Variants in RBFOX1 observed in about 807,000 individuals in gnomAD.
The protein encoded by RBFOX1 is RNA binding fox-1 homolog 1, also known as RNA binding protein fox-1 homolog 1.
A neutral mutation model predicts 57.7 loss-of-function variants in RBFOX1; 8 were observed. The ratio of observed to expected loss-of-function variants is 0.14; its 90% CI spans 0.08 to 0.25. RBFOX1 has a LOEUF of 0.25. RBFOX1 is among the 10% of genes least tolerant of loss of function. The pLI is 1.00. For missense variants in RBFOX1, 611 were observed against 548.5 expected (o/e 1.11, Z -1.14); for synonymous variants, 326 against 222.4 (o/e 1.47, Z -4.15).
intron 3 of RBFOX1, among the ~76,000 whole-genome samples, chr16:6,985,458 G>A (rs2090030774): frequency 6.6e-6 from 1 of 152,092 alleles, no homozygotes; most frequent in Admixed American, 6.6e-5. Flanking sequence ...GTCTAGCCTG[G>A]GCAAAATAGC....
intron 5 of RBFOX1, among the ~76,000 whole-genome samples, chr16:7,520,286 T>G (rs1011093654): frequency 6.6e-6 from 1 of 152,212 alleles, no homozygotes; most frequent in African/African-American, 2.4e-5. Context: ...AACATAAAAC[T>G]TAACCATTTT....
intron 1 of RBFOX1, among the ~76,000 whole-genome samples, chr16:6,228,687 A>T (rs2097435357): frequency 6.6e-6 from 1 of 152,180 alleles, no homozygotes; most frequent in Non-Finnish European, 1.5e-5. Flanking sequence ...TTGGTCGGGT[A>T]CAAAATTTCA....
At chr16:6,322,364 T>C (rs1050160595) in intron 2 of RBFOX1, among the ~76,000 whole-genome samples, 23 of 152,232 alleles carry the variant, frequency 1.5e-4, no homozygotes, top group Non-Finnish European at 2.6e-4. Flanking sequence ...TCATTCCAAC[T>C]GGGCAAGTTC....
At chr16:5,382,399 T>G (rs1356811541) in intron 1 of RBFOX1, among the ~76,000 whole-genome samples, 1 of 152,218 alleles carries the variant, frequency 6.6e-6, no homozygotes, top group Non-Finnish European at 1.5e-5. Flanking sequence ...CATCTTTTTT[T>G]TTTTTCAAAG....
chr16:6,122,501 G>C (rs569501103), intron 1 of RBFOX1, among the ~76,000 whole-genome samples: 1 of 152,044 alleles, frequency 6.6e-6, no homozygotes, highest in Non-Finnish European at 1.5e-5. Context: ...TCTCATTCGA[G>C]TTAATCTCTG....
At chr16:7,451,571 A>G (rs2098858481) in intron 4 of RBFOX1, among the ~76,000 whole-genome samples, 1 of 152,164 alleles carries the variant, frequency 6.6e-6, no homozygotes, top group African/African-American at 2.4e-5. Context: ...TCTGGCTCTT[A>G]GAGACTGGCT....
At chr16:6,560,402 G>A (rs1364048133) in intron 2 of RBFOX1, among the ~76,000 whole-genome samples, 1 of 151,808 alleles carries the variant, frequency 6.6e-6, no homozygotes, top group Non-Finnish European at 1.5e-5. Flanking sequence ...GGGCCTTACT[G>A]TGAAGGTGAC....
At position 6,199,868 on chromosome 16, in the gene RBFOX1, G is replaced by A. The variant is rs551502663; in HGVS notation, c.-126-117127G>A. Among the ~76,000 whole-genome samples, 4 of 152,234 alleles carry A rather than the reference G, an allele frequency of 2.6e-5. No homozygotes were observed. The East Asian group carries it at 7.7e-4, about 29-fold the overall frequency. On this transcript the variant is annotated intron_variant, in intron 1 of 15. Coordinates refer to ENST00000550418, the MANE Select transcript of RBFOX1 (RefSeq NM_018723.4). ...CTCAGCCACAGCTACCTATCAGAAGGTTATGAAGACTAGAAGAAAAACACA... is the reference window on the plus strand; with the variant it reads ...CTCAGCCACAGCTACCTATCAGAAGATTATGAAGACTAGAAGAAAAACACA...
chr16:5,497,912 G>C (rs1247907464), intron 2 of RBFOX1, among the ~76,000 whole-genome samples: 2 of 152,194 alleles, frequency 1.3e-5, no homozygotes, highest in East Asian at 1.9e-4. Context: ...CTTTGGAGTG[G>C]ACGCATAAAA....
chr16:7,584,083 G>A (rs192676485), intron 6 of RBFOX1, among the ~76,000 whole-genome samples: 2 of 152,272 alleles, frequency 1.3e-5, no homozygotes, highest in East Asian at 3.9e-4. Context: ...TCTGCATTCT[G>A]AACAGGAAGC....
rs1025712480 is a variant in RBFOX1, at chr16:7,105,073, C to G, written c.27+52975C>G. On this transcript the variant is annotated intron_variant, in intron 4 of 15. Transcript: ENST00000550418. ...CCACTTACATTCTTCTAGCTGAGCC[C>G]TTTGAGCTGAAAGAGAGCACCTCTG... Among the ~76,000 whole-genome samples, 5 of 152,208 alleles carry G rather than the reference C, an allele frequency of 3.3e-5. No individual in the cohort carries two copies. In the East Asian group the frequency reaches 9.7e-4, roughly 29 times the overall value.
At chr16:6,575,943 C>T (rs998818335) in intron 2 of RBFOX1, among the ~76,000 whole-genome samples, 1 of 151,716 alleles carries the variant, frequency 6.6e-6, no homozygotes, top group African/African-American at 2.4e-5. Context: ...TTTGATTAAT[C>T]AGTGATGGTG....
At chr16:6,633,966 G>T (rs927113795) in intron 2 of RBFOX1, among the ~76,000 whole-genome samples, 1 of 152,142 alleles carries the variant, frequency 6.6e-6, no homozygotes, top group East Asian at 1.9e-4. Flanking sequence ...CATAAGCGAT[G>T]ACCGCACTAC....
intron 3 of RBFOX1, among the ~76,000 whole-genome samples, chr16:6,822,153 C>T (rs374339673): frequency 3.9e-5 from 6 of 152,146 alleles, no homozygotes; most frequent in African/African-American, 7.2e-5. Flanking sequence ...AACGGGAGCT[C>T]GTGTGCCAAG....
rs569992216 is a variant in RBFOX1, at chr16:7,573,926, A to G, written c.271-5851A>G. Among the ~76,000 whole-genome samples, 27 of 152,232 alleles carry G rather than the reference A, an allele frequency of 1.8e-4. No homozygotes were observed. In the South Asian group the frequency reaches 5.0e-3, roughly 28 times the overall value. The stretch of plus-strand genomic sequence containing the variant: ...TGCTACAGCTTTAGGAACTATAACT[A>G]TGAATTCCGTAGCCACTGCCCTTCA... On this transcript the variant is annotated intron_variant, in intron 5 of 15. Coordinates refer to ENST00000550418, the MANE Select transcript of RBFOX1 (RefSeq NM_018723.4).
intron 2 of RBFOX1, among the ~76,000 whole-genome samples, chr16:6,545,588 C>T (rs547733445): frequency 6.6e-5 from 10 of 152,282 alleles, no homozygotes; most frequent in South Asian, 2.1e-4. Flanking sequence ...CCAACCCCTC[C>T]GATAACTACT....
At chr16:6,894,444 C>T (rs1439784962) in intron 3 of RBFOX1, among the ~76,000 whole-genome samples, 2 of 152,144 alleles carry the variant, frequency 1.3e-5, no homozygotes, top group Admixed American at 1.3e-4. Context: ...GAATGCCTTC[C>T]CGAATTTGTG....
intron 4 of RBFOX1, among the ~76,000 whole-genome samples, chr16:7,265,955 T>TG (rs1461492243): frequency 7.8e-6 from 1 of 127,432 alleles, no homozygotes; most frequent in Non-Finnish European, 1.6e-5. Flanking sequence ...TGAGATCTGG[T>TG]GGGTTTTTGT....
At chr16:6,036,953 G>C (rs934741510) in intron 1 of RBFOX1, among the ~76,000 whole-genome samples, 1 of 152,146 alleles carries the variant, frequency 6.6e-6, no homozygotes, top group Non-Finnish European at 1.5e-5. Context: ...GGATACTACA[G>C]CCCAACCACT....
Sources: gnomAD v4.1 joint callset for allele counts (sites outside exome capture counted in the v4.1 genomes callset) on GRCh38, gnomAD v4.1.1 for gene constraint, MANE v1.5 for transcripts, NCBI Gene and HGNC (gene_info 2026-07-23, HGNC 2026-07-21) for gene names.